Variants in KCNJ6 observed in about 807,000 individuals in gnomAD.
The protein encoded by KCNJ6 is G protein-activated inward rectifier potassium channel 2.
KCNJ6 carries 9 observed loss-of-function variants against 34.2 expected under a neutral mutation model. The observed-to-expected ratio is 0.26, with a 90% CI of 0.16 to 0.46. KCNJ6 has a LOEUF of 0.46. Ranked by LOEUF, KCNJ6 falls within the 20% of genes least tolerant of loss-of-function variation. The pLI is 1.00. For synonymous variants in KCNJ6, 196 were observed against 207.1 expected (o/e 0.95, Z 0.46); for missense variants, 236 against 531.3 (o/e 0.44, Z 5.46).
At chr21:37,724,875 T>C (rs532830319) in intron 2 of KCNJ6, among the ~76,000 whole-genome samples, 3 of 152,218 alleles carry the variant, frequency 2.0e-5, no homozygotes, top group African/African-American at 7.2e-5. Context: ...TTTATTAGAA[T>C]AAATTCTAAA....
Position 37,838,126 on chromosome 21 carries a change from G to A in KCNJ6, c.25+2532C>T, listed in dbSNP as rs188150914. ...GACAGAGCACATTAGAAGAATGGGTGCACCCAGTCATTGACCCAAGGATTC... is the reference window on the plus strand; with the variant it reads ...GACAGAGCACATTAGAAGAATGGGTACACCCAGTCATTGACCCAAGGATTC... On this transcript the variant is annotated intron_variant, in intron 2 of 3. Coordinates refer to ENST00000609713, the MANE Select transcript of KCNJ6 (RefSeq NM_002240.5). Among the ~76,000 whole-genome samples the A allele has an allele frequency of 1.3e-4, 20 of 152,250 alleles. No individual in the cohort carries two copies. In the East Asian group the frequency reaches 3.3e-3, roughly 25 times the overall value.
intron 2 of KCNJ6, among the ~76,000 whole-genome samples, chr21:37,802,582 G>C (rs1034339689): frequency 5.9e-5 from 9 of 152,154 alleles, no homozygotes; most frequent in Non-Finnish European, 1.3e-4. Context: ...GTGAGAAGAG[G>C]CCAGAAGATG....
At chr21:37,909,837 A>C (rs921429686) in intron 1 of KCNJ6, among the ~76,000 whole-genome samples, 2 of 152,216 alleles carry the variant, frequency 1.3e-5, no homozygotes, top group African/African-American at 4.8e-5. Flanking sequence ...GCCTCCAATT[A>C]TTCTCTTCCC....
intron 1 of KCNJ6, among the ~76,000 whole-genome samples, chr21:37,869,076 G>T (rs1401463845): frequency 6.6e-6 from 1 of 152,232 alleles, no homozygotes; most frequent in African/African-American, 2.4e-5. Context: ...TGTGCTCTAG[G>T]CAGTGAATTC....
intron 3 of KCNJ6, among the ~76,000 whole-genome samples, chr21:37,666,745 AT>A: frequency 6.6e-6 from 1 of 151,962 alleles, no homozygotes; most frequent in Non-Finnish European, 1.5e-5. Flanking sequence ...GAGAGATCAG[AT>A]TGTTACTGTG....
At chr21:37,697,099 G>A (rs1331401436) in intron 3 of KCNJ6, among the ~76,000 whole-genome samples, 1 of 152,188 alleles carries the variant, frequency 6.6e-6, no homozygotes, top group Non-Finnish European at 1.5e-5. Context: ...TGGTCTTCAT[G>A]TGCTCAGCAT....
Position 37,784,963 on chromosome 21 carries a change from G to C in KCNJ6, c.25+55695C>G, listed in dbSNP as rs930667242. Among the ~76,000 whole-genome samples the C allele has an allele frequency of 7.0e-4, 107 of 152,332 alleles. 1 individual carries two copies. Among genetic ancestry groups the C allele is most frequent in the Non-Finnish European group, 6.0e-4 (41 of 68,032 alleles). On this transcript the variant is annotated intron_variant, in intron 2 of 3. Transcript: ENST00000609713. ...TGGCTCCGAGCACAATTTGGAGAAT[G>C]TCACAGAGATTCATCTCCTAAGAGC...
At chr21:37,684,055 G>A (rs1469686396) in intron 3 of KCNJ6, among the ~76,000 whole-genome samples, 1 of 152,230 alleles carries the variant, frequency 6.6e-6, no homozygotes, top group Non-Finnish European at 1.5e-5. Flanking sequence ...TGATCAAACT[G>A]CCCTATAATT....
intron 2 of KCNJ6, among the ~76,000 whole-genome samples, chr21:37,771,669 G>T (rs75417637): frequency 0.021 from 3,123 of 152,244 alleles, 106 homozygotes; most frequent in African/African-American, 0.07. Context: ...AAGGAGATGC[G>T]CCAGATAGCT....
intron 1 of KCNJ6, among the ~76,000 whole-genome samples, chr21:37,902,451 G>A (rs1000930715): frequency 5.3e-5 from 8 of 152,176 alleles, no homozygotes; most frequent in South Asian, 4.1e-4. Context: ...AGCATTCATA[G>A]AAATGGCTAC....
chr21:37,746,959 T>C (rs915568), intron 2 of KCNJ6, among the ~76,000 whole-genome samples: 87,339 of 152,030 alleles, frequency 0.57, 25,608 homozygotes, highest in African/African-American at 0.68. Flanking sequence ...TTATATTCGC[T>C]GATATTTTTG....
At chr21:37,748,244 G>A (rs2054977705) in intron 2 of KCNJ6, among the ~76,000 whole-genome samples, 1 of 152,212 alleles carries the variant, frequency 6.6e-6, no homozygotes, top group Non-Finnish European at 1.5e-5. Flanking sequence ...GAAAATTAAG[G>A]GTTGTGATGT....
rs373383273 is a variant in KCNJ6, at chr21:37,667,538, C to T, written c.947-42054G>A. Among the ~76,000 whole-genome samples, 514 of 148,342 alleles carry T rather than the reference C, an allele frequency of 3.5e-3. 2 individuals carry two copies. The highest frequency in any genetic ancestry group is 0.011 in the African/African-American group (426 of 40,250). ...TAGTGGGCGCCGGGGTAGCGGGGTC[C>T]GGGGTAGCGGGCGCCGGGGTAGCAG... is the stretch of plus-strand genomic sequence containing the variant. On this transcript the variant is annotated intron_variant, in intron 3 of 3. Coordinates refer to ENST00000609713, the MANE Select transcript of KCNJ6 (RefSeq NM_002240.5).
chr21:37,884,694 T>C (rs1223791072), intron 1 of KCNJ6, among the ~76,000 whole-genome samples: 2 of 152,114 alleles, frequency 1.3e-5, no homozygotes, highest in Admixed American at 1.3e-4. Context: ...TCTCAGAATA[T>C]CTTTATAAGT....
intron 3 of KCNJ6, among the ~76,000 whole-genome samples, chr21:37,664,093 A>T (rs2054502707): frequency 6.6e-6 from 1 of 152,248 alleles, no homozygotes; most frequent in Non-Finnish European, 1.5e-5. Flanking sequence ...TGGAAATAAA[A>T]TAAAGTTGAA....
intron 3 of KCNJ6, among the ~76,000 whole-genome samples, chr21:37,693,622 A>G (rs1389945264): frequency 1.3e-5 from 2 of 152,198 alleles, no homozygotes; most frequent in Non-Finnish European, 2.9e-5. Flanking sequence ...GGGATACAAC[A>G]TAGTGAAAAT....
At chr21:37,851,326 G>C (rs2055536355) in intron 1 of KCNJ6, among the ~76,000 whole-genome samples, 1 of 152,216 alleles carries the variant, frequency 6.6e-6, no homozygotes, top group African/African-American at 2.4e-5. Flanking sequence ...ATGCAAAAAA[G>C]TGTAGGGTGC....
chr21:37,715,565 T>C (rs1026007777), intron 2 of KCNJ6, among the ~76,000 whole-genome samples: 9 of 152,256 alleles, frequency 5.9e-5, no homozygotes, highest in Admixed American at 3.9e-4. Context: ...ATATCTGTTA[T>C]GGACTGTATT....
intron 3 of KCNJ6, among the ~76,000 whole-genome samples, chr21:37,652,709 TG>T (rs1343385015): frequency 6.6e-6 from 1 of 152,158 alleles, no homozygotes; most frequent in East Asian, 1.9e-4. Flanking sequence ...CTGGGATGAT[TG>T]GCCACTCTAG....
Sources: gnomAD v4.1 joint callset for allele counts (sites outside exome capture counted in the v4.1 genomes callset) on GRCh38, gnomAD v4.1.1 for gene constraint, MANE v1.5 for transcripts, NCBI Gene and HGNC (gene_info 2026-07-23, HGNC 2026-07-21) for gene names.